Variants in CKAP2 observed in about 807,000 individuals in gnomAD.
The protein encoded by CKAP2 is cytoskeleton-associated protein 2.
A neutral mutation model predicts 58.4 loss-of-function variants in CKAP2; 46 were observed. The observed-to-expected ratio is 0.79, with a 90% CI of 0.62 to 1.01. CKAP2 has a LOEUF of 1.01. Among genes scored for constraint, CKAP2 ranks in the 50% least tolerant of loss-of-function variants. The probability of loss-of-function intolerance (pLI) is 0.00; values close to 1 mark genes in which losing one functional copy is unlikely to be tolerated. For synonymous variants in CKAP2, 293 were observed against 280.9 expected, an observed-to-expected ratio of 1.04 and a Z score of -0.43; for missense variants, 809 against 796.4, an observed-to-expected ratio of 1.02 and a Z score of -0.19.
Position 52,455,480 on chromosome 13 carries a change from A to C in CKAP2, c.-77A>C, listed in dbSNP as rs1006627000. 7.6e-5 allele frequency: 118 copies of C among 1,553,232 alleles called. No individual in the cohort carries two copies. The highest frequency in any genetic ancestry group is 1.0e-4 in the Non-Finnish European group (113 of 1,126,204). On this transcript the variant is annotated 5_prime_UTR_variant, in exon 1 of 9. Transcript: ENST00000258607. ...CCGTCTGACGGCTTAGCCGCGGTGC[A>C]GACTGCGGCGGCGGTGGTCTGAGGA...
chr13:52,455,605 A>C lies in CKAP2; in HGVS notation c.49A>C (p.Arg17=), dbSNP rs1958463243. ...GGACCTGCAGCTGCCCCCGAGTCAG[A>C]GGGCGCAGTCCGCATTCAAAGGTGA... The part of the protein sequence containing the change: ...PQDLQLPPSQ[R]AQSAFKEQRR... The change falls in exon 1 of 9, where the codon AGG becomes CGG. Residue 17 remains arginine (R), a synonymous_variant. Transcript: ENST00000258607. 2 of 1,611,464 alleles carry C rather than the reference A, an allele frequency of 1.2e-6. No individual in the cohort carries two copies. Among genetic ancestry groups the C allele is most frequent in the South Asian group, 2.2e-5 (2 of 91,032 alleles).
At chr13:52,461,001 A>G (rs780095413) in intron 3 of CKAP2, 27 bp downstream of exon 3, 1 of 1,607,736 alleles carries the variant, frequency 6.2e-7, no homozygotes. Context: ...GCACTCTTAA[A>G]CTGTCCCCTT....
In CKAP2 at chr13:52,465,299, G is replaced by A. The variant is rs145609331; in HGVS notation, c.1310G>A (p.Cys437Tyr). Residue 437 changes from cysteine to tyrosine, a missense_variant, in exon 6 of 9, where the codon TGT (cysteine) becomes TAT (tyrosine). Physicochemically the swap from Cys to Tyr is radical, Grantham distance 194 (BLOSUM62 -2). Around this residue, in one of 3 missense-constraint regions of CKAP2, gnomAD observed 3 missense variants for 16.4 expected, o/e 0.18. Coordinates refer to ENST00000258607, the MANE Select transcript of CKAP2 (RefSeq NM_018204.5). ...SECLNLINEG[C>Y]PKEDILVTLN... ...CATTTTTTCTTGCTTTTTTAGGGAT[G>A]TCCAAAAGAAGATATACTGGTCACA... The A allele has an allele frequency of 6.2e-5, 99 of 1,599,298 alleles. No homozygotes were observed. The highest frequency in any genetic ancestry group is 1.8e-4 in the Middle Eastern group (1 of 5,568).
At chr13:52,465,171 G>C in intron 5 of CKAP2, 124 bp from the exon 6 acceptor site, 1 of 726,192 alleles carries the variant, frequency 1.4e-6, no homozygotes, top group Non-Finnish European at 2.2e-6. Flanking sequence ...CTCAACTAAT[G>C]TTTCATTTTT....
At chr13:52,474,144 T>C in intron 8 of CKAP2, 60 bp downstream of exon 8, 1 of 1,488,216 alleles carries the variant, frequency 6.7e-7, no homozygotes, top group Non-Finnish European at 9.1e-7. Flanking sequence ...AATAACGGCA[T>C]TTAAAAATCT....
At chr13:52,466,866 C>T (rs781750781) in intron 6 of CKAP2, among the ~76,000 whole-genome samples, 6 of 152,056 alleles carry the variant, frequency 3.9e-5, no homozygotes, top group African/African-American at 9.6e-5. Flanking sequence ...GAAGCCGAGG[C>T]GGGAGGATCG....
At chr13:52,464,894 G>C (rs1958641788) in intron 5 of CKAP2, among the ~76,000 whole-genome samples, 1 of 152,112 alleles carries the variant, frequency 6.6e-6, no homozygotes, top group Non-Finnish European at 1.5e-5. Context: ...AATAGAATTA[G>C]AGTTTATTTC....
chr13:52,476,476 A>T lies in CKAP2; in HGVS notation c.*1335A>T, dbSNP rs865806609. On this transcript the variant is annotated 3_prime_UTR_variant, in exon 9 of 9. Transcript: ENST00000258607. ...CTTGAGGTTTTTGACACTTAAGTAC[A>T]TGCTTAATGATATATTTTCAAAAGT... is the stretch of plus-strand genomic sequence containing the variant. The T allele has an allele frequency of 2.0e-5, 3 of 152,224 alleles. No individual in the cohort carries two copies. Among genetic ancestry groups the T allele is most frequent in the African/African-American group, 7.2e-5 (3 of 41,476 alleles). 9.4% of individuals were successfully genotyped at this position (152,224 alleles called of 1,614,324 possible).
intron 6 of CKAP2, among the ~76,000 whole-genome samples, chr13:52,466,967 T>G (rs770139855): frequency 6.6e-6 from 1 of 151,426 alleles, no homozygotes; most frequent in Non-Finnish European, 1.5e-5. Flanking sequence ...TTTTTTTTGG[T>G]GGTAGACAGT....
intron 7 of CKAP2, 78 bp from the exon 8 acceptor site, chr13:52,473,751 T>A: frequency 7.3e-7 from 1 of 1,374,394 alleles, no homozygotes. Context: ...TGTGGCCAAC[T>A]AGGAACAACT....
At position 52,459,202 on chromosome 13, in the gene CKAP2, G is replaced by A. The variant is rs181936349; in HGVS notation, c.156-1697G>A. On this transcript the variant is annotated intron_variant, in intron 2 of 8. Transcript: ENST00000258607. ...ACCATTGTTCAAAATGTATAGTACAGGTTGTGTCAAAGTTCTGTTCCTTCT... is the reference window on the plus strand; with the variant it reads ...ACCATTGTTCAAAATGTATAGTACAAGTTGTGTCAAAGTTCTGTTCCTTCT... Among the ~76,000 whole-genome samples the A allele has an allele frequency of 2.4e-3, 371 of 152,226 alleles. 1 individual carries two copies. Among genetic ancestry groups the A allele is most frequent in the African/African-American group, 8.6e-3 (356 of 41,524 alleles).
chr13:52,462,603 T>C, intron 5 of CKAP2, 36 bp downstream of exon 5: 7 of 1,520,726 alleles, frequency 4.6e-6, no homozygotes, highest in South Asian at 1.2e-5. Context: ...TTTTATAGTT[T>C]GCAAATTACC....
At chr13:52,469,528 C>T (rs978132019) in intron 7 of CKAP2, among the ~76,000 whole-genome samples, 1 of 151,862 alleles carries the variant, frequency 6.6e-6, no homozygotes, top group Non-Finnish European at 1.5e-5. Context: ...CAAAAAATAC[C>T]CTCTTATCTG....
At chr13:52,455,769 C>G in intron 1 of CKAP2, 143 bp downstream of exon 1, 1 of 1,019,524 alleles carries the variant, frequency 9.8e-7, no homozygotes, top group Admixed American at 4.2e-5. Context: ...CGGCCTCGCC[C>G]TGCCTCATTC....
intron 7 of CKAP2, among the ~76,000 whole-genome samples, chr13:52,469,551 T>G (rs1168728785): frequency 6.6e-6 from 1 of 152,098 alleles, no homozygotes; most frequent in South Asian, 2.1e-4. Context: ...AAATACAGAT[T>G]TTTTGGGACC....
At position 52,461,406 on chromosome 13, in the gene CKAP2, C is replaced by G; in HGVS notation, c.580C>G (p.Leu194Val). The change falls in exon 4 of 9, where the codon CTA becomes GTA. Residue 194 changes from leucine (L) to valine (V), a missense_variant. Leu to Val is a conservative substitution (Grantham distance 32). This residue lies in a region of CKAP2 where 523 missense variants were observed against 492.4 expected (regional missense o/e 1.06). Transcript: ENST00000258607. ...QSKINSFRKP[L>V]QVKDESSAAT... ...TAAGATTAATTCATTTAGAAAACCT[C>G]TACAAGTCAAAGATGAGAGTTCTGC... The G allele has an allele frequency of 6.2e-7, 1 of 1,614,194 alleles. No individual in the cohort carries two copies. The highest frequency in any genetic ancestry group is 1.1e-5 in the South Asian group (1 of 91,088).
At chr13:52,469,439 A>T (rs1958727205) in intron 7 of CKAP2, among the ~76,000 whole-genome samples, 1 of 152,196 alleles carries the variant, frequency 6.6e-6, no homozygotes, top group Non-Finnish European at 1.5e-5. Context: ...GTAGATGGAG[A>T]TAAGAGATTC....
intron 2 of CKAP2, among the ~76,000 whole-genome samples, chr13:52,457,684 C>G (rs1394735409): frequency 6.6e-6 from 1 of 152,108 alleles, no homozygotes; most frequent in African/African-American, 2.4e-5. Flanking sequence ...GAAACCCCGT[C>G]TCTACTAAAA....
In CKAP2 at chr13:52,465,417, T is replaced by C; in HGVS notation, c.1428T>C (p.Ile476=). Residue 476 remains isoleucine, a synonymous_variant, in exon 6 of 9, where the codon ATT becomes ATC. Transcript: ENST00000258607. ...TTATTGAACCAATCACAAGTCCTAT[T>C]GAAAATATTATTGCAATCTATGAGA... The part of the protein sequence containing the change: ...LALIEPITSP[I]ENIIAIYEKA... 1 of 1,613,544 alleles carries C rather than the reference T, an allele frequency of 6.2e-7. No individual in the cohort carries two copies. The highest frequency in any genetic ancestry group is 8.5e-7 in the Non-Finnish European group (1 of 1,179,672).
Sources: gnomAD v4.1 joint callset for allele counts (sites outside exome capture counted in the v4.1 genomes callset) on GRCh38, gnomAD v4.1.1 for gene constraint, gnomAD v4.1.1 regional missense constraint, MANE v1.5 for transcripts, NCBI Gene and HGNC (gene_info 2026-07-23, HGNC 2026-07-21) for gene names.